KRCC1: variants seen among roughly 807,000 people sequenced by gnomAD.
KRCC1 encodes lysine rich coiled-coil 1, also known as lysine-rich coiled-coil protein 1.
KRCC1 carries 3 observed loss-of-function variants against 7.4 expected under a neutral mutation model. The observed-to-expected ratio is 0.40, with a 90% confidence interval of 0.18 to 1.04. The LOEUF (loss-of-function observed/expected upper bound fraction) is 1.04. Ranked by LOEUF, KRCC1 falls within the 50% of genes least tolerant of loss-of-function variation. The probability of loss-of-function intolerance (pLI) is 0.33; values close to 1 mark genes in which losing one functional copy is unlikely to be tolerated. For missense variants in KRCC1, 277 were observed against 300.9 expected, an observed-to-expected ratio of 0.92 and a Z score of 0.59; for synonymous variants, 102 against 101.6, an observed-to-expected ratio of 1.00 and a Z score of -0.02.
chr2:88,055,404 A>T lies in KRCC1; in HGVS notation c.-291+222T>A, dbSNP rs578000920. Among the ~76,000 whole-genome samples the T allele has an allele frequency of 6.8e-4, 103 of 151,734 alleles. 1 individual carries two copies. In the South Asian group the frequency reaches 0.017, roughly 25 times the overall value. On this transcript the variant is annotated intron_variant, in intron 1 of 3. Coordinates refer to ENST00000347055, the MANE Select transcript of KRCC1 (RefSeq NM_016618.3). ...CCACTCCGACCTCGGCTTCCTCCGC[A>T]AGCCGAGCGCCCCTTCCCTCCGCAC...
chr2:88,028,167 C>G lies in KRCC1; in HGVS notation c.397G>C (p.Glu133Gln). ...GAGAAGTGCTTGTAAACTCTATGTT[C>G]TACACCATGTGAGCCACAAATATAT... Reference protein sequence around the residue: ...QEYICGSHGVEHRVYKHFSSD... With the variant: ...QEYICGSHGVQHRVYKHFSSD... The change falls in exon 4 of 4, where the codon GAA becomes CAA. Residue 133 changes from glutamate (E) to glutamine (Q), a missense_variant. Coordinates refer to ENST00000347055, the MANE Select transcript of KRCC1 (RefSeq NM_016618.3). The G allele has an allele frequency of 6.2e-7, 1 of 1,614,140 alleles. No individual in the cohort carries two copies. Among genetic ancestry groups the G allele is most frequent in the Non-Finnish European group, 8.5e-7 (1 of 1,180,034 alleles).
intron 1 of KRCC1, among the ~76,000 whole-genome samples, chr2:88,052,539 T>A (rs1477294423): frequency 9.4e-6 from 1 of 105,950 alleles, no homozygotes; most frequent in East Asian, 2.0e-4. Context: ...TGACCCATTA[T>A]AGTTTAATTT....
intron 1 of KRCC1, among the ~76,000 whole-genome samples, chr2:88,054,435 C>T (rs1385805563): frequency 1.3e-5 from 2 of 152,166 alleles, no homozygotes; most frequent in Non-Finnish European, 2.9e-5. Context: ...GTGTTTGTAC[C>T]TCTTACAACT....
chr2:88,043,353 A>G (rs1673253469), intron 1 of KRCC1, among the ~76,000 whole-genome samples: 1 of 152,230 alleles, frequency 6.6e-6, no homozygotes, highest in Admixed American at 6.5e-5. Flanking sequence ...ATAAAAAGTC[A>G]TTATTTAATC....
intron 1 of KRCC1, among the ~76,000 whole-genome samples, chr2:88,040,331 C>G (rs956458612): frequency 1.3e-5 from 2 of 152,124 alleles, no homozygotes; most frequent in African/African-American, 4.8e-5. Context: ...ATAATATTTT[C>G]AAAGCTATTC....
At chr2:88,053,270 C>G (rs1673536595) in intron 1 of KRCC1, among the ~76,000 whole-genome samples, 2 of 152,108 alleles carry the variant, frequency 1.3e-5, no homozygotes, top group African/African-American at 4.8e-5. Flanking sequence ...AGTCAGACTC[C>G]TATTCCAGTA....
intron 2 of KRCC1, 110 bp downstream of exon 2, chr2:88,036,833 C>A (rs1673100555): frequency 6.6e-6 from 1 of 152,128 alleles, no homozygotes; most frequent in Admixed American, 6.5e-5. Context: ...AGTCAGTCAT[C>A]AAAAGGACAA....
chr2:88,043,757 C>T lies in KRCC1; in HGVS notation c.-290-6706G>A, dbSNP rs1023148456. On this transcript the variant is annotated intron_variant, in intron 1 of 3. Transcript: ENST00000347055. The stretch of plus-strand genomic sequence containing the variant: ...CCATCTTGGCGCACTGCAATCTCTG[C>T]CTCCCGGGTTCAAGCGGTTCTCCTG... Among the ~76,000 whole-genome samples, 4 of 152,322 alleles carry T rather than the reference C, an allele frequency of 2.6e-5. No individual in the cohort carries two copies. The South Asian group carries it at 6.2e-4, about 24-fold the overall frequency.
intron 3 of KRCC1, among the ~76,000 whole-genome samples, chr2:88,033,018 T>C (rs975151930): frequency 6.6e-6 from 1 of 151,950 alleles, no homozygotes; most frequent in Non-Finnish European, 1.5e-5. Flanking sequence ...CTCTAGAAAA[T>C]GGAAACTATA....
chr2:88,047,260 T>C (rs1420668760), intron 1 of KRCC1, among the ~76,000 whole-genome samples: 1 of 152,158 alleles, frequency 6.6e-6, no homozygotes, highest in Non-Finnish European at 1.5e-5. Context: ...TTTATTTATT[T>C]ATTTAAAGAA....
Position 88,028,054 on chromosome 2 carries a change from T to C in KRCC1, c.510A>G (p.Lys170=). The C allele has an allele frequency of 1.2e-6, 2 of 1,614,210 alleles. No individual in the cohort carries two copies. The highest frequency in any genetic ancestry group is 1.1e-5 in the South Asian group (1 of 91,078). The change falls in exon 4 of 4, where the codon AAA becomes AAG. Residue 170 remains lysine, a synonymous_variant. Coordinates refer to ENST00000347055, the MANE Select transcript of KRCC1 (RefSeq NM_016618.3). ...RKRHPEEGRE[K]SEEERSKHKR... is the part of the protein sequence containing the mutation. Reference sequence around the variant, plus strand: ...TATGCTTAGACCGCTCCTCCTCTGATTTTTCTCTGCCTTCCTCTGGGTGCC... The same window carrying C: ...TATGCTTAGACCGCTCCTCCTCTGACTTTTCTCTGCCTTCCTCTGGGTGCC...
intron 3 of KRCC1, among the ~76,000 whole-genome samples, chr2:88,032,460 T>C (rs1052014292): frequency 2.6e-5 from 4 of 152,174 alleles, no homozygotes; most frequent in African/African-American, 4.8e-5. Context: ...CTAGGAGCAA[T>C]AGGCTATATC....
chr2:88,039,667 G>A (rs946496788), intron 1 of KRCC1, among the ~76,000 whole-genome samples: 2 of 151,868 alleles, frequency 1.3e-5, no homozygotes, highest in Admixed American at 6.6e-5. Context: ...CAGCCTGGGC[G>A]ACAAAGTGAG....
At chr2:88,032,723 T>C in intron 3 of KRCC1, among the ~76,000 whole-genome samples, 1 of 152,224 alleles carries the variant, frequency 6.6e-6, no homozygotes, top group East Asian at 1.9e-4. Flanking sequence ...CTATCAGTGA[T>C]AAAAAGGAAT....
chr2:88,044,986 G>T (rs560888036), intron 1 of KRCC1, among the ~76,000 whole-genome samples: 8 of 149,870 alleles, frequency 5.3e-5, no homozygotes, highest in African/African-American at 2.0e-4. Context: ...AGCCTCCTGA[G>T]TAGATGGACT....
chr2:88,033,247 G>C (rs1488438971), intron 3 of KRCC1, among the ~76,000 whole-genome samples: 3 of 152,134 alleles, frequency 2.0e-5, no homozygotes, highest in Non-Finnish European at 4.4e-5. Context: ...CTAATGGCTG[G>C]GCGCGGTGGC....
chr2:88,045,883 T>C (rs777382663), intron 1 of KRCC1, among the ~76,000 whole-genome samples: 1 of 152,126 alleles, frequency 6.6e-6, no homozygotes, highest in Non-Finnish European at 1.5e-5. Flanking sequence ...TTTCACCATG[T>C]TGGCCAGGCT....
Position 88,037,509 on chromosome 2 carries a change from C to T in KRCC1, c.-290-458G>A, listed in dbSNP as rs572440795. ...TCTGGCTCTGTCACCCAGGCCAGAG[C>T]GTGATTCTCCTGCCTCAGCTTCCTG... On this transcript the variant is annotated intron_variant, in intron 1 of 3. Coordinates refer to ENST00000347055, the MANE Select transcript of KRCC1 (RefSeq NM_016618.3). Among the ~76,000 whole-genome samples, 13 of 152,240 alleles carry T rather than the reference C, an allele frequency of 8.5e-5. No homozygotes were observed. The South Asian group carries it at 2.1e-3, about 24-fold the overall frequency.
chr2:88,052,119 C>A (rs986974250), intron 1 of KRCC1, among the ~76,000 whole-genome samples: 3 of 152,256 alleles, frequency 2.0e-5, no homozygotes, highest in Non-Finnish European at 2.9e-5. Context: ...CATGTTAGGG[C>A]AGCTTTCATG....
Sources: gnomAD v4.1 joint callset for allele counts (sites outside exome capture counted in the v4.1 genomes callset) on GRCh38, gnomAD v4.1.1 for gene constraint, MANE v1.5 for transcripts, NCBI Gene and HGNC (gene_info 2026-07-23, HGNC 2026-07-21) for gene names.